Variants in KCNIP4 observed in about 807,000 individuals in gnomAD.
KCNIP4 encodes the protein potassium voltage-gated channel interacting protein 4, also known as Kv channel-interacting protein 4.
In KCNIP4, 12 loss-of-function variants were observed where a neutral mutation model predicts 34.0. The ratio of observed to expected loss-of-function variants is 0.35; its 90% CI spans 0.23 to 0.57. The LOEUF is 0.57. KCNIP4 is among the 20% of genes least tolerant of loss of function. The probability of loss-of-function intolerance (pLI) is 0.83; values close to 1 mark genes in which losing one functional copy is unlikely to be tolerated. For synonymous variants in KCNIP4, 124 were observed against 102.2 expected (o/e 1.21, Z -1.29); for missense variants, 238 against 311.7 (o/e 0.76, Z 1.78).
intron 1 of KCNIP4, among the ~76,000 whole-genome samples, chr4:21,763,884 A>G (rs1718220511): frequency 1.3e-5 from 2 of 152,134 alleles, no homozygotes; most frequent in African/African-American, 4.8e-5. Flanking sequence ...TGCTTTGAAA[A>G]AGGAACCCTC....
chr4:21,926,603 A>G (rs898150790), intron 1 of KCNIP4, among the ~76,000 whole-genome samples: 1 of 152,072 alleles, frequency 6.6e-6, no homozygotes, highest in Non-Finnish European at 1.5e-5. Flanking sequence ...CAATTTACCA[A>G]TGAGAAAATG....
chr4:21,512,010 G>A (rs997796243), intron 1 of KCNIP4, among the ~76,000 whole-genome samples: 1 of 150,028 alleles, frequency 6.7e-6, no homozygotes, highest in African/African-American at 2.5e-5. Context: ...GAAGTAAGGA[G>A]TAGGGAAAGA....
chr4:21,150,275 A>C lies in KCNIP4; in HGVS notation c.62-267566T>G, dbSNP rs1448601654. Among the ~76,000 whole-genome samples the C allele has an allele frequency of 2.0e-5, 3 of 151,548 alleles. No individual in the cohort carries two copies. The East Asian group carries it at 5.8e-4, about 29-fold the overall frequency. ...TTGAGACTGATTTAAGGATAATGGG[A>C]GTGTTAATGAGGGTAATGCTTGGCT... On this transcript the variant is annotated intron_variant, in intron 1 of 8. Coordinates refer to ENST00000382152, the MANE Select transcript of KCNIP4 (RefSeq NM_025221.6).
At chr4:20,896,207 A>G (rs911964689) in intron 1 of KCNIP4, among the ~76,000 whole-genome samples, 1 of 152,018 alleles carries the variant, frequency 6.6e-6, no homozygotes, top group Non-Finnish European at 1.5e-5. Context: ...ATCACACCCA[A>G]CGCTAAGAGA....
intron 1 of KCNIP4, among the ~76,000 whole-genome samples, chr4:21,592,173 A>G (rs1577656402): frequency 6.6e-6 from 1 of 152,230 alleles, no homozygotes; most frequent in Non-Finnish European, 1.5e-5. Flanking sequence ...GCCAAGAAAA[A>G]GGAAGGGAAA....
chr4:21,112,253 C>T (rs1395092957), intron 1 of KCNIP4, among the ~76,000 whole-genome samples: 2 of 152,128 alleles, frequency 1.3e-5, no homozygotes, highest in Non-Finnish European at 2.9e-5. Flanking sequence ...AAGGATCTAT[C>T]TTCAGGATCT....
intron 1 of KCNIP4, among the ~76,000 whole-genome samples, chr4:21,183,473 T>TTG (rs201933409): frequency 0.072 from 10,886 of 151,346 alleles, 559 homozygotes; most frequent in South Asian, 0.15. Context: ...GTTTTTGTTT[T>TTG]TTTTTTTTTT....
intron 1 of KCNIP4, among the ~76,000 whole-genome samples, chr4:20,891,410 TC>T (rs2149536823): frequency 6.6e-6 from 1 of 152,052 alleles, no homozygotes; most frequent in Admixed American, 6.6e-5. Context: ...ATCGAGACCA[TC>T]CTGGCCAACA....
intron 1 of KCNIP4, among the ~76,000 whole-genome samples, chr4:20,945,663 T>G (rs994774835): frequency 1.3e-5 from 2 of 152,048 alleles, no homozygotes; most frequent in South Asian, 4.2e-4. Flanking sequence ...TACTTTAGAA[T>G]GTAACCTAAT....
intron 1 of KCNIP4, among the ~76,000 whole-genome samples, chr4:21,888,096 A>G (rs1168892464): frequency 6.6e-6 from 1 of 152,124 alleles, no homozygotes; most frequent in Non-Finnish European, 1.5e-5. Flanking sequence ...TATGATTATT[A>G]TCACCGCTTT....
intron 1 of KCNIP4, among the ~76,000 whole-genome samples, chr4:21,134,248 A>T (rs941559155): frequency 6.6e-6 from 1 of 152,206 alleles, no homozygotes; most frequent in Non-Finnish European, 1.5e-5. Flanking sequence ...CTCAATATGA[A>T]GATGACGAAG....
intron 1 of KCNIP4, among the ~76,000 whole-genome samples, chr4:21,913,149 A>T (rs1324696648): frequency 6.6e-6 from 1 of 152,048 alleles, no homozygotes; most frequent in Non-Finnish European, 1.5e-5. Context: ...GTTAGGCCAT[A>T]AGAATGCTTT....
intron 1 of KCNIP4, among the ~76,000 whole-genome samples, chr4:21,021,795 A>T (rs28408050): frequency 0.025 from 3,843 of 152,014 alleles, 176 homozygotes; most frequent in African/African-American, 0.086. Context: ...TTTTACAGTT[A>T]CCTCCCTTTT....
chr4:20,735,344 A>G (rs1749321901), intron 5 of KCNIP4, among the ~76,000 whole-genome samples: 1 of 152,104 alleles, frequency 6.6e-6, no homozygotes, highest in Admixed American at 6.6e-5. Flanking sequence ...GGAGCTAATA[A>G]TAGTATCTAC....
At chr4:21,056,789 G>A (rs1466770806) in intron 1 of KCNIP4, among the ~76,000 whole-genome samples, 1 of 152,078 alleles carries the variant, frequency 6.6e-6, no homozygotes, top group Non-Finnish European at 1.5e-5. Context: ...AAATTTATAT[G>A]CAGAAGCCCT....
chr4:20,964,635 G>A (rs1458618119), intron 1 of KCNIP4, among the ~76,000 whole-genome samples: 1 of 152,112 alleles, frequency 6.6e-6, no homozygotes, highest in East Asian at 1.9e-4. Context: ...CATTTGTTTA[G>A]CCTGTTTGAT....
intron 1 of KCNIP4, among the ~76,000 whole-genome samples, chr4:21,479,930 T>G (rs1356247107): frequency 6.6e-6 from 1 of 151,814 alleles, no homozygotes; most frequent in East Asian, 1.9e-4. Flanking sequence ...ATATTAGGAA[T>G]GAGAAACCAA....
At chr4:21,130,732 A>G (rs986995925) in intron 1 of KCNIP4, among the ~76,000 whole-genome samples, 1 of 152,250 alleles carries the variant, frequency 6.6e-6, no homozygotes, top group African/African-American at 2.4e-5. Flanking sequence ...CTCTGATGCT[A>G]TGTTGACTGC....
At chr4:21,585,187 G>T (rs1482023891) in intron 1 of KCNIP4, among the ~76,000 whole-genome samples, 1 of 152,028 alleles carries the variant, frequency 6.6e-6, no homozygotes, top group Non-Finnish European at 1.5e-5. Context: ...TCATGACAGT[G>T]CTATGAGGTG....
Sources: allele counts gnomAD v4.1 joint callset (sites outside exome capture counted in the v4.1 genomes callset), GRCh38; gene constraint gnomAD v4.1.1; transcripts MANE v1.5; gene names NCBI Gene and HGNC (gene_info 2026-07-23, HGNC 2026-07-21).